Variants in RALGDS observed in about 807,000 individuals in gnomAD.
RALGDS encodes ral guanine nucleotide exchange factor.
A neutral mutation model predicts 99.8 loss-of-function variants in RALGDS; 44 were observed. The observed-to-expected ratio is 0.44, with a 90% CI of 0.35 to 0.57. The LOEUF (loss-of-function observed/expected upper bound fraction) is 0.57, where lower values mean the gene tolerates loss of function less well. Among genes scored for constraint, RALGDS ranks in the 20% least tolerant of loss-of-function variants. RALGDS has a pLI of 0.01. For synonymous variants in RALGDS, 529 were observed against 505.0 expected (o/e 1.05, Z -0.64); for missense variants, 1,022 against 1,203.1 (o/e 0.85, Z 2.23).
intron 16 of RALGDS, 95 bp from the exon 17 acceptor site, chr9:133,100,477 A>C: frequency 6.2e-7 from 1 of 1,603,106 alleles, no homozygotes; most frequent in East Asian, 2.2e-5. Context: ...TCCCCTCAGC[A>C]CCAAGCACAG....
upstream of RALGDS, among the ~76,000 whole-genome samples, chr9:133,124,043 CACAG>C (rs1364943510): frequency 8.6e-6 from 1 of 116,142 alleles, no homozygotes; most frequent in Non-Finnish European, 1.8e-5. Context: ...CACAGAGACA[CACAG>C]AGAGACAGAG....
chr9:133,120,158 G>C (rs932656303), intron 1 of RALGDS, among the ~76,000 whole-genome samples: 24 of 152,232 alleles, frequency 1.6e-4, no homozygotes, highest in African/African-American at 5.8e-4. Flanking sequence ...GCAGCAGTCA[G>C]GTGGGAGGCA....
chr9:133,108,506 C>G lies in RALGDS; in HGVS notation c.779-100G>C, dbSNP rs151077417. ...TCCAGAGAAGCCTCTCTCCCCGAAC[C>G]CACAAAACGTGTACCAGGCCACTCT... On this transcript the variant is annotated intron_variant, in intron 5 of 17. Transcript: ENST00000372050. The G allele has an allele frequency of 5.0e-5, 71 of 1,433,692 alleles. No homozygotes were observed. The African/African-American group carries it at 9.4e-4, about 19-fold the overall frequency. The allele number at this position is 1,433,692 out of a possible 1,614,324, so 88.8% of individuals were successfully genotyped here.
intron 6 of RALGDS, among the ~76,000 whole-genome samples, chr9:133,107,540 C>T (rs1477839736): frequency 6.6e-6 from 1 of 151,972 alleles, no homozygotes; most frequent in Non-Finnish European, 1.5e-5. Context: ...CACCCCCCAT[C>T]CCCCCGCCTC....
intron 1 of RALGDS, among the ~76,000 whole-genome samples, chr9:133,142,797 T>C (rs1003113677): frequency 9.2e-5 from 14 of 152,204 alleles, no homozygotes; most frequent in Non-Finnish European, 1.8e-4. Flanking sequence ...AACCACCACT[T>C]GGGGCCTAGG....
chr9:133,101,821 C>G (rs1344947989), intron 15 of RALGDS, 59 bp from the exon 16 acceptor site: 17 of 1,557,626 alleles, frequency 1.1e-5, no homozygotes, highest in Non-Finnish European at 1.4e-5. Flanking sequence ...CCCAGGCCAG[C>G]TGCCAGATGG....
intron 1 of RALGDS, among the ~76,000 whole-genome samples, chr9:133,130,109 C>CT (rs1259124887): frequency 6.6e-6 from 1 of 152,102 alleles, no homozygotes; most frequent in African/African-American, 2.4e-5. Context: ...GTAGCTGGGA[C>CT]TACAGGCGCA....
At position 133,129,068 on chromosome 9, in the gene RALGDS, C is replaced by T. The variant is rs547806538; in HGVS notation, c.132+1884G>A. 8.9e-6 allele frequency: 13 copies of T among 1,464,742 alleles called. No individual in the cohort carries two copies. In the South Asian group the frequency reaches 1.5e-4, roughly 17 times the overall value. The allele number at this position is 1,464,742 out of a possible 1,614,324, so 90.7% of individuals were successfully genotyped here. A position where few individuals can be genotyped will look rare whatever the true frequency, so the allele number is the denominator to read the frequency against. On this transcript the variant is annotated intron_variant, in intron 1 of 17. Transcript: ENST00000372062. The stretch of plus-strand genomic sequence containing the variant: ...AAGGGAGTCCTGGGAAAGCAACTCC[C>T]ATGCCTGGGGCTCGGCGGTGACCCA...
At chr9:133,110,097 G>A (rs753590676) in intron 3 of RALGDS, among the ~76,000 whole-genome samples, 199 bp downstream of exon 3, 7 of 152,170 alleles carry the variant, frequency 4.6e-5, no homozygotes, top group South Asian at 2.1e-4. Flanking sequence ...AGGGCCAGGC[G>A]TTGAGGGAGC....
At chr9:133,138,235 C>G (rs573481219) in intron 1 of RALGDS, among the ~76,000 whole-genome samples, 71 of 152,304 alleles carry the variant, frequency 4.7e-4, no homozygotes, top group African/African-American at 1.7e-3. Context: ...AGAAGTTCCC[C>G]AGGGCTAGAG....
chr9:133,140,583 GC>G, intron 1 of RALGDS, among the ~76,000 whole-genome samples: 1 of 152,046 alleles, frequency 6.6e-6, no homozygotes, highest in South Asian at 2.1e-4. Context: ...GTGGGTCCCG[GC>G]CCCCCTTATC....
chr9:133,106,635 G>A lies in RALGDS; in HGVS notation c.1517+10C>T, dbSNP rs1384808797. 22 of 1,590,644 alleles carry A rather than the reference G, an allele frequency of 1.4e-5. No individual in the cohort carries two copies. The Middle Eastern group carries it at 8.3e-4, about 60-fold the overall frequency. On this transcript the variant is annotated intron_variant, in intron 8 of 17. Transcript: ENST00000372050. ...TGGTGCACCAGGAGCTCCTACAGAG[G>A]CATGCCCACCTGGAAACGTCTTCCC...
In RALGDS at chr9:133,102,030, G is replaced by C. The variant is rs757194753; in HGVS notation, c.2119C>G (p.Leu707Val). ...YLSSGDIADA[L>V]SVHSAGSSSS... ...GAGGAGCCGGCCGAGTGCACGCTGA[G>C]CGCGTCAGCGATGTCCCCGCTGCTG... The change falls in exon 15 of 18, where the codon CTC becomes GTC. Residue 707 changes from leucine to valine, a missense_variant. Leu to Val is a conservative substitution (Grantham distance 32, BLOSUM62 1). This residue lies in a region of RALGDS where 825 missense variants were observed against 994.5 expected (regional missense o/e 0.83). Transcript: ENST00000372050. 8 of 1,555,554 alleles carry C rather than the reference G, an allele frequency of 5.1e-6. 1 individual carries two copies. In the South Asian group the frequency reaches 9.5e-5, roughly 18 times the overall value.
At chr9:133,102,404 G>A in intron 14 of RALGDS, 72 bp downstream of exon 14, 3 of 1,516,536 alleles carry the variant, frequency 2.0e-6, no homozygotes, top group Non-Finnish European at 2.7e-6. Flanking sequence ...CTGACTCCCT[G>A]AGCCCAGGCT....
chr9:133,126,375 C>T (rs1438199462), intron 1 of RALGDS, among the ~76,000 whole-genome samples: 2 of 152,230 alleles, frequency 1.3e-5, no homozygotes, highest in Admixed American at 6.5e-5. Context: ...AGCCAGATCC[C>T]ACCCACACAT....
At chr9:133,146,122 G>A (rs1832618858) in intron 1 of RALGDS, among the ~76,000 whole-genome samples, 1 of 152,228 alleles carries the variant, frequency 6.6e-6, no homozygotes, top group Admixed American at 6.5e-5. Context: ...TCGGCCCCCT[G>A]TGGCATATGG....
Position 133,099,050 on chromosome 9 carries a change from T to G in RALGDS, c.2570-288A>C, listed in dbSNP as rs1471869799. On this transcript the variant is annotated intron_variant, in intron 17 of 17. Transcript: ENST00000372050. ...TCACCCCGTCCTGCCCATACTGCAG[T>G]GCTGGCTGCCCACCTGGAACAGGCT... is the stretch of plus-strand genomic sequence containing the variant. 7 of 419,300 alleles carry G rather than the reference T, an allele frequency of 1.7e-5. No individual in the cohort carries two copies. In the East Asian group the frequency reaches 2.8e-4, roughly 17 times the overall value. 26.0% of individuals were successfully genotyped at this position (419,300 alleles called of 1,614,324 possible). A position where few individuals can be genotyped will look rare whatever the true frequency, so the allele number is the denominator to read the frequency against.
rs1328709241 is a variant in RALGDS at position 133,121,142 on chromosome 9, T to C, written c.13A>G (p.Met5Val). ...GCAGGCCCGGCCGCCTCGGCCCACA[T>C]GCGCTGCACCATGGAAGGCTCGCAG... is the stretch of plus-strand genomic sequence containing the variant. MVQR[M>V]WAEAAGPAGG... The change falls in exon 1 of 18, where the codon ATG becomes GTG. Residue 5 changes from methionine to valine, a missense_variant. Physicochemically the swap from Met to Val is conservative, Grantham distance 21. Coordinates refer to ENST00000372050, the MANE Select transcript of RALGDS (RefSeq NM_006266.4). 11 of 1,362,736 alleles carry C rather than the reference T, an allele frequency of 8.1e-6. No individual in the cohort carries two copies. Among genetic ancestry groups the C allele is most frequent in the Non-Finnish European group, 1.0e-5 (11 of 1,056,926 alleles). The allele number at this position is 1,362,736 out of a possible 1,614,324, so 84.4% of individuals were successfully genotyped here.
chr9:133,101,221 G>T, intron 16 of RALGDS: 2 of 1,262,716 alleles, frequency 1.6e-6, no homozygotes, highest in Non-Finnish European at 2.0e-6. Context: ...GAAAGTCGAG[G>T]TCCTGGCAGG....
Sources: gnomAD v4.1 joint callset for allele counts (sites outside exome capture counted in the v4.1 genomes callset) on GRCh38, gnomAD v4.1.1 for gene constraint, gnomAD v4.1.1 regional missense constraint, MANE v1.5 for transcripts, NCBI Gene and HGNC (gene_info 2026-07-23, HGNC 2026-07-21) for gene names.